Variants in TBXA2R observed in about 807,000 individuals in gnomAD.
TBXA2R encodes the protein thromboxane A2 receptor, also known as prostanoid TP receptor.
A neutral mutation model predicts 15.6 loss-of-function variants in TBXA2R; 15 were observed. The ratio of observed to expected loss-of-function variants is 0.96; its 90% confidence interval spans 0.64 to 1.48. TBXA2R has a LOEUF of 1.48. TBXA2R is among the 40% of genes most tolerant of loss of function. The pLI is 0.00. For missense variants in TBXA2R, 506 were observed against 491.4 expected, an observed-to-expected ratio of 1.03 and a Z score of -0.28; for synonymous variants, 280 against 241.2, an observed-to-expected ratio of 1.16 and a Z score of -1.49.
intron 2 of TBXA2R, 100 bp downstream of exon 2, chr19:3,599,749 G>A (rs888936832): frequency 1.3e-6 from 2 of 1,515,650 alleles, no homozygotes; most frequent in East Asian, 2.5e-5. Context: ...TTACCGGCGT[G>A]AGCCACCGCG....
chr19:3,597,018 C>A (rs35283199), intron 2 of TBXA2R, among the ~76,000 whole-genome samples: 76,538 of 147,324 alleles, frequency 0.52, 20,152 homozygotes, highest in Non-Finnish European at 0.56. Context: ...CGGCTTACCA[C>A]AACCTCCGCC....
chr19:3,604,580 C>G (rs1228800521), intron 1 of TBXA2R, among the ~76,000 whole-genome samples: 2 of 152,128 alleles, frequency 1.3e-5, no homozygotes, highest in African/African-American at 4.8e-5. Context: ...CTGCCTGTCA[C>G]GGCCTGAGCC....
chr19:3,605,917 A>G (rs2032825193), intron 1 of TBXA2R, among the ~76,000 whole-genome samples: 1 of 151,326 alleles, frequency 6.6e-6, no homozygotes, highest in Admixed American at 6.6e-5. Flanking sequence ...ACACACACAG[A>G]TACACACATA....
At position 3,595,506 on chromosome 19, in the gene TBXA2R, T is replaced by C; in HGVS notation, c.*182A>G. The C allele has an allele frequency of 2.1e-6, 3 of 1,428,540 alleles. No homozygotes were observed. Among genetic ancestry groups the C allele is most frequent in the Non-Finnish European group, 2.7e-6 (3 of 1,095,160 alleles). 88.5% of individuals were successfully genotyped at this position (1,428,540 alleles called of 1,614,324 possible). On this transcript the variant is annotated 3_prime_UTR_variant, in exon 3 of 3. Coordinates refer to ENST00000375190, the MANE Select transcript of TBXA2R (RefSeq NM_001060.6). The stretch of plus-strand genomic sequence containing the variant: ...GGGCCGAGGAAGGGAGAGTGCTTGG[T>C]AAAAGGATCAGGGAGGAGTTGGGGG...
intron 1 of TBXA2R, among the ~76,000 whole-genome samples, chr19:3,604,257 G>C (rs148229799): frequency 1.3e-5 from 2 of 152,122 alleles, no homozygotes; most frequent in African/African-American, 4.8e-5. Flanking sequence ...TCTGGAAGGC[G>C]GACAGTGAGT....
chr19:3,603,487 C>T (rs1045616584), intron 1 of TBXA2R, among the ~76,000 whole-genome samples: 1 of 152,192 alleles, frequency 6.6e-6, no homozygotes, highest in Non-Finnish European at 1.5e-5. Flanking sequence ...ACTGGGATTT[C>T]CCCTGGGACA....
intron 2 of TBXA2R, chr19:3,598,128 A>G: frequency 6.6e-6 from 1 of 152,312 alleles, no homozygotes; most frequent in Non-Finnish European, 1.5e-5. Flanking sequence ...AAGCAATGTC[A>G]GAGCCCAGAA....
chr19:3,602,812 G>A (rs1437186819), intron 1 of TBXA2R, among the ~76,000 whole-genome samples: 4 of 151,534 alleles, frequency 2.6e-5, no homozygotes, highest in East Asian at 1.9e-4. Flanking sequence ...CCAGGTGGGC[G>A]GATCACGAGG....
chr19:3,595,361 A>G lies in TBXA2R; in HGVS notation c.*327T>C. ...GCCACTGCACTCCAGCCTGGGGGAC[A>G]GAGCAAGACTCCGTCTAAAAAAAAA... On this transcript the variant is annotated 3_prime_UTR_variant, in exon 3 of 3. Transcript: ENST00000375190. 7.3e-7 allele frequency: 1 copy of G among 1,363,908 alleles called. No individual in the cohort carries two copies. The highest frequency in any genetic ancestry group is 9.4e-7 in the Non-Finnish European group (1 of 1,064,052). 84.5% of individuals were successfully genotyped at this position (1,363,908 alleles called of 1,614,324 possible). A position where few individuals can be genotyped will look rare whatever the true frequency, so the allele number is the denominator to read the frequency against.
intron 1 of TBXA2R, among the ~76,000 whole-genome samples, chr19:3,601,240 G>A (rs1030791017): frequency 2.6e-5 from 4 of 151,874 alleles, no homozygotes; most frequent in African/African-American, 4.8e-5. Context: ...CAACAAAATC[G>A]GAGCCAAGCC....
At chr19:3,598,493 G>A (rs1488469734) in intron 2 of TBXA2R, among the ~76,000 whole-genome samples, 1 of 150,846 alleles carries the variant, frequency 6.6e-6, no homozygotes, top group African/African-American at 2.4e-5. Flanking sequence ...TGGGACTACA[G>A]GAGTGTGCCA....
In TBXA2R at chr19:3,594,937, G is replaced by T. The variant is rs200789014; in HGVS notation, c.*751C>A. 13 of 1,536,220 alleles carry T rather than the reference G, an allele frequency of 8.5e-6. No individual in the cohort carries two copies. Among genetic ancestry groups the T allele is most frequent in the Middle Eastern group, 1.7e-4 (1 of 5,986 alleles). ...TCAGGGTCAAAGAGCATGCAAGGCC[G>T]GGCGCAGTGGCTTACGCCTGTAATC... On this transcript the variant is annotated 3_prime_UTR_variant, in exon 3 of 3. Transcript: ENST00000375190.
chr19:3,603,023 G>A (rs1251306969), intron 1 of TBXA2R, among the ~76,000 whole-genome samples: 7 of 146,416 alleles, frequency 4.8e-5, no homozygotes, highest in Non-Finnish European at 9.1e-5. Context: ...GCGACAGAGC[G>A]AGACTCCATC....
At chr19:3,596,040 T>A in intron 2 of TBXA2R, 107 bp from the exon 3 acceptor site, 2 of 1,390,996 alleles carry the variant, frequency 1.4e-6, no homozygotes, top group Non-Finnish European at 2.0e-6. Context: ...TTTTTAATTT[T>A]ATTTTTGAGA....
Position 3,600,630 on chromosome 19 carries a change from C to T in TBXA2R, c.5G>A (p.Trp2Ter). The T allele has an allele frequency of 6.2e-7, 1 of 1,612,414 alleles. No homozygotes were observed. Among genetic ancestry groups the T allele is most frequent in the Non-Finnish European group, 8.5e-7 (1 of 1,179,708 alleles). The change falls in exon 2 of 3, where the codon TGG (tryptophan) becomes TAG (stop). Residue 2 changes from tryptophan (W) to a stop codon, truncating the protein, a stop_gained. Coordinates refer to ENST00000375190, the MANE Select transcript of TBXA2R (RefSeq NM_001060.6). LOFTEE classifies it high-confidence loss of function. ...GGGCCCCAGGGAACTGCCGTTGGGCCACATGGCTCCGGAGCCCTGAGGGAT... is the reference window on the plus strand; with the variant it reads ...GGGCCCCAGGGAACTGCCGTTGGGCTACATGGCTCCGGAGCCCTGAGGGAT... M[W>*]PNGSSLGPCF...
chr19:3,594,967 C>A lies in TBXA2R; in HGVS notation c.*721G>T. 3 of 1,532,742 alleles carry A rather than the reference C, an allele frequency of 2.0e-6. No individual in the cohort carries two copies. The highest frequency in any genetic ancestry group is 2.4e-5 in the South Asian group (2 of 84,002). The allele number at this position is 1,532,742 out of a possible 1,614,324, so 94.9% of individuals were successfully genotyped here. ...CAGTGGCTTACGCCTGTAATCCCAG[C>A]TGCTCGGGAGGCTGAGGCACGAGAA... On this transcript the variant is annotated 3_prime_UTR_variant, in exon 3 of 3. Transcript: ENST00000375190.
chr19:3,600,676 C>T lies in TBXA2R; in HGVS notation c.-42G>A, dbSNP rs760192375. On this transcript the variant is annotated 5_prime_UTR_variant, in exon 2 of 3. Transcript: ENST00000375190. ...GGGATCAGTCACCACCCCATCAGGC[C>T]GATGCTGCAGACAGGGCAGGCTGGC... 10 of 1,602,198 alleles carry T rather than the reference C, an allele frequency of 6.2e-6. No homozygotes were observed. In the South Asian group the frequency reaches 6.7e-5, roughly 11 times the overall value.
rs945582250 is a variant in TBXA2R at position 3,594,723 on chromosome 19, G to C, written c.*965C>G. 2 of 902,150 alleles carry C rather than the reference G, an allele frequency of 2.2e-6. No individual in the cohort carries two copies. The highest frequency in any genetic ancestry group is 3.4e-5 in the African/African-American group (2 of 59,554). 55.9% of individuals were successfully genotyped at this position (902,150 alleles called of 1,614,324 possible). A position where few individuals can be genotyped will look rare whatever the true frequency, so the allele number is the denominator to read the frequency against. Reference sequence around the variant, plus strand: ...TCCCAGCCCTGCCCTCGTCTGCTCCGGGTGAGGCCCAATGCACAAACTCCA... The same window carrying C: ...TCCCAGCCCTGCCCTCGTCTGCTCCCGGTGAGGCCCAATGCACAAACTCCA... On this transcript the variant is annotated 3_prime_UTR_variant, in exon 3 of 3. Coordinates refer to ENST00000375190, the MANE Select transcript of TBXA2R (RefSeq NM_001060.6).
At chr19:3,596,062 T>G (rs547071977) in intron 2 of TBXA2R, 129 bp from the exon 3 acceptor site, 2 of 1,215,118 alleles carry the variant, frequency 1.6e-6, no homozygotes, top group Non-Finnish European at 2.3e-6. Flanking sequence ...AGGGTCTCAC[T>G]CTGTCGTCCA....
Sources: gnomAD v4.1 joint callset for allele counts (sites outside exome capture counted in the v4.1 genomes callset) on GRCh38, gnomAD v4.1.1 for gene constraint, MANE v1.5 for transcripts, NCBI Gene and HGNC (gene_info 2026-07-23, HGNC 2026-07-21) for gene names.